Variants in SS18 observed in about 807,000 individuals in gnomAD.
SS18 encodes SS18 subunit of BAF chromatin remodeling complex, also known as protein SSXT.
A neutral mutation model predicts 72.5 loss-of-function variants in SS18; 28 were observed. That is an observed-to-expected ratio of 0.39 (90% CI 0.29 to 0.53). The LOEUF (loss-of-function observed/expected upper bound fraction) is 0.53. Ranked by LOEUF, SS18 falls within the 20% of genes least tolerant of loss-of-function variation. The probability of loss-of-function intolerance (pLI) is 0.76; values close to 1 mark genes in which losing one functional copy is unlikely to be tolerated. For missense variants in SS18, 518 were observed against 535.3 expected (o/e 0.97, Z 0.32); for synonymous variants, 172 against 164.2 (o/e 1.05, Z -0.37).
intron 5 of SS18, among the ~76,000 whole-genome samples, chr18:26,044,909 C>A (rs990152194): frequency 6.6e-6 from 1 of 152,096 alleles, no homozygotes; most frequent in African/African-American, 2.4e-5. Flanking sequence ...AGCAATATAC[C>A]CTGTGTGTAT....
intron 10 of SS18, among the ~76,000 whole-genome samples, chr18:26,019,315 A>G (rs149604101): frequency 8.7e-4 from 133 of 152,332 alleles, no homozygotes; most frequent in African/African-American, 3.0e-3. Context: ...CTGGAAGCAT[A>G]TAATTAGTTA....
chr18:26,029,701 T>C (rs1264719751), intron 10 of SS18, among the ~76,000 whole-genome samples: 2 of 152,202 alleles, frequency 1.3e-5, no homozygotes, highest in Non-Finnish European at 2.9e-5. Context: ...TTATCTTGCA[T>C]ATTGCTGTAA....
chr18:26,040,581 A>C (rs2053705920), intron 5 of SS18, among the ~76,000 whole-genome samples: 1 of 152,212 alleles, frequency 6.6e-6, no homozygotes, highest in South Asian at 2.1e-4. Context: ...ATTACTTAAC[A>C]AACAATTAAA....
intron 10 of SS18, among the ~76,000 whole-genome samples, chr18:26,029,030 G>A (rs772471306): frequency 2.4e-4 from 37 of 152,310 alleles, no homozygotes; most frequent in Non-Finnish European, 4.6e-4. Flanking sequence ...CTGATACGAC[G>A]TGATGACATT....
At chr18:26,057,790 A>C in intron 3 of SS18, 48 bp from the exon 4 acceptor site, 13 of 1,532,442 alleles carry the variant, frequency 8.5e-6, no homozygotes, top group Non-Finnish European at 1.1e-5. Flanking sequence ...CTAATATACG[A>C]AAGATGCATA....
chr18:26,059,220 T>C (rs971886580), intron 3 of SS18, among the ~76,000 whole-genome samples: 1 of 152,142 alleles, frequency 6.6e-6, no homozygotes, highest in Non-Finnish European at 1.5e-5. Context: ...AAGAGTGACT[T>C]ACACAAAGAG....
intron 2 of SS18, among the ~76,000 whole-genome samples, chr18:26,082,731 G>C (rs2144168076): frequency 6.6e-6 from 1 of 152,318 alleles, no homozygotes; most frequent in Non-Finnish European, 1.5e-5. Context: ...TGTGTCTGCA[G>C]AGAGCGTTGA....
intron 1 of SS18, among the ~76,000 whole-genome samples, chr18:26,087,990 T>A (rs2054646327): frequency 6.6e-6 from 1 of 152,206 alleles, no homozygotes; most frequent in South Asian, 2.1e-4. Context: ...TTTTTTCCCT[T>A]CAGATTTCTA....
At chr18:26,032,006 G>C (rs1194194129) in intron 10 of SS18, among the ~76,000 whole-genome samples, 1 of 152,076 alleles carries the variant, frequency 6.6e-6, no homozygotes, top group Admixed American at 6.5e-5. Flanking sequence ...AAGGGATCAC[G>C]GAGGGGGAAC....
chr18:26,047,398 A>G (rs189626269), intron 5 of SS18, among the ~76,000 whole-genome samples: 55 of 152,294 alleles, frequency 3.6e-4, no homozygotes, highest in Non-Finnish European at 1.8e-4. Flanking sequence ...TGAACCTTCC[A>G]AAGTATTTTA....
At position 26,035,783 on chromosome 18, in the gene SS18, C is replaced by T. The variant is rs1374384194; in HGVS notation, c.973+48G>A. The T allele has an allele frequency of 2.3e-6, 3 of 1,316,772 alleles. No homozygotes were observed. The highest frequency in any genetic ancestry group is 5.0e-5 in the East Asian group (2 of 40,242). 81.6% of individuals were successfully genotyped at this position (1,316,772 alleles called of 1,614,324 possible). On this transcript the variant is annotated intron_variant, in intron 8 of 10. Coordinates refer to ENST00000415083, the MANE Select transcript of SS18 (RefSeq NM_001007559.3). The surrounding 1 kb of genome is among the most constrained non-coding windows in gnomAD (Gnocchi z 4.4). Reference sequence around the variant, plus strand: ...TTGTCTTATGCAAGAATTTTCATTCCTGTAGAAGGGGATATATATGTGTAT... The same window carrying T: ...TTGTCTTATGCAAGAATTTTCATTCTTGTAGAAGGGGATATATATGTGTAT...
intron 3 of SS18, among the ~76,000 whole-genome samples, chr18:26,067,435 G>C (rs1190925650): frequency 6.6e-6 from 1 of 152,212 alleles, no homozygotes; most frequent in East Asian, 1.9e-4. Flanking sequence ...GGGAACAACA[G>C]AGGGGGAACT....
intron 3 of SS18, among the ~76,000 whole-genome samples, chr18:26,075,264 T>C (rs757835785): frequency 3.3e-5 from 5 of 151,852 alleles, no homozygotes; most frequent in Non-Finnish European, 5.9e-5. Flanking sequence ...ACGAAGGCAT[T>C]ATAAGAAAGA....
intron 4 of SS18, among the ~76,000 whole-genome samples, chr18:26,054,340 T>C (rs979799626): frequency 5.3e-5 from 8 of 152,342 alleles, no homozygotes; most frequent in African/African-American, 1.4e-4. Flanking sequence ...TTTTAAAATA[T>C]ATATACCTTT....
chr18:26,035,702 C>A lies in SS18; in HGVS notation c.973+129G>T, dbSNP rs1037040225. The stretch of plus-strand genomic sequence containing the variant: ...TATTTTGATTGTTTTGGGCTCCCTG[C>A]AACTTTCAAGAAAGCCAGCAACTAG... On this transcript the variant is annotated intron_variant, in intron 8 of 10. Coordinates refer to ENST00000415083, the MANE Select transcript of SS18 (RefSeq NM_001007559.3). The surrounding 1 kb of genome is among the most constrained non-coding windows in gnomAD (Gnocchi z 4.4). The A allele has an allele frequency of 4.1e-6, 2 of 490,310 alleles. No homozygotes were observed. The highest frequency in any genetic ancestry group is 7.0e-6 in the Non-Finnish European group (2 of 287,756). 30.4% of individuals were successfully genotyped at this position (490,310 alleles called of 1,614,324 possible). A position where few individuals can be genotyped will look rare whatever the true frequency, so the allele number is the denominator to read the frequency against.
At chr18:26,048,022 A>G (rs758945060) in intron 5 of SS18, among the ~76,000 whole-genome samples, 2 of 152,254 alleles carry the variant, frequency 1.3e-5, no homozygotes, top group Non-Finnish European at 2.9e-5. Flanking sequence ...ACATGCAAAC[A>G]GCAAATAAAC....
chr18:26,090,631 A>T, upstream of SS18: 1 of 1,507,426 alleles, frequency 6.6e-7, no homozygotes, highest in East Asian at 2.5e-5. Flanking sequence ...AAACTGGGGG[A>T]GAGACGCCGG....
At chr18:26,046,601 T>G (rs996835555) in intron 5 of SS18, among the ~76,000 whole-genome samples, 11 of 152,250 alleles carry the variant, frequency 7.2e-5, no homozygotes, top group African/African-American at 2.7e-4. Flanking sequence ...GGCAGCAATG[T>G]CAGCATTTCC....
intron 3 of SS18, chr18:26,064,751 G>A (rs1365089075): frequency 2.0e-5 from 3 of 150,742 alleles, no homozygotes; most frequent in Admixed American, 2.0e-4. Flanking sequence ...ACAAATCAAT[G>A]GTATAAAGAC....
Sources: allele counts gnomAD v4.1 joint callset (sites outside exome capture counted in the v4.1 genomes callset), GRCh38; gene constraint gnomAD v4.1.1; non-coding constraint Gnocchi (gnomAD v3.1); transcripts MANE v1.5; gene names NCBI Gene and HGNC (gene_info 2026-07-23, HGNC 2026-07-21).